Variants in DNAH6 observed in about 807,000 individuals in gnomAD.
DNAH6 encodes dynein axonemal heavy chain 6.
In DNAH6, 340 loss-of-function variants were observed where a neutral mutation model predicts 491.4. The ratio of observed to expected loss-of-function variants is 0.69; its 90% CI spans 0.63 to 0.76. The LOEUF (loss-of-function observed/expected upper bound fraction) is 0.76. Ranked by LOEUF, DNAH6 falls within the 30% of genes least tolerant of loss-of-function variation. DNAH6 has a pLI of 0.00. For synonymous variants in DNAH6, 1,603 were observed against 1,686.1 expected (o/e 0.95, Z 1.21); for missense variants, 4,443 against 4,972.2 (o/e 0.89, Z 3.20).
intron 11 of DNAH6, among the ~76,000 whole-genome samples, chr2:84,567,463 C>A (rs552188377): frequency 1.3e-5 from 2 of 152,198 alleles, no homozygotes; most frequent in South Asian, 4.2e-4. Context: ...GACATGTAGA[C>A]CAATGGCACA....
chr2:84,701,206 T>C lies in DNAH6; in HGVS notation c.7928T>C (p.Leu2643Ser). ...CCCTTGATGTGCGTGAACGTTCACT[T>C]GAGTGTCTCCAGCATGGCAGAGCGC... ...KLPLMCVNVHLSVSSMAERYY... is the reference protein window; with the variant it reads ...KLPLMCVNVHSSVSSMAERYY... The change falls in exon 49 of 77, where the codon TTG becomes TCG. Residue 2643 changes from leucine to serine, a missense_variant. By Grantham distance (145) the Leu-to-Ser change is moderately radical (BLOSUM62 -2). This residue lies in a region of DNAH6 where 2,977 missense variants were observed against 3,296.6 expected (regional missense o/e 0.90). Transcript: ENST00000389394. 1 of 1,551,806 alleles carries C rather than the reference T, an allele frequency of 6.4e-7. No individual in the cohort carries two copies. The highest frequency in any genetic ancestry group is 8.7e-7 in the Non-Finnish European group (1 of 1,147,004).
Position 84,669,403 on chromosome 2 carries a change from G to T in DNAH6, c.6199G>T (p.Glu2067Ter). The change falls in exon 38 of 77, where the codon GAA becomes TAA. Residue 2067 changes from glutamate to a stop codon, truncating the protein, a stop_gained. Coordinates refer to ENST00000389394, the MANE Select transcript of DNAH6 (RefSeq NM_001370.2). LOFTEE classifies it high-confidence loss of function. ...ATACAACCGAGATGTTCCATTTTTT[G>T]AAATGCTTGTCCCCACAACTGACAC... ...FKYNRDVPFF[E>*]MLVPTTDTVR... 6.4e-7 allele frequency: 1 copy of T among 1,551,926 alleles called. No homozygotes were observed. The highest frequency in any genetic ancestry group is 2.4e-5 in the East Asian group (1 of 40,916).
chr2:84,581,119 T>G (rs1181767510), intron 14 of DNAH6, among the ~76,000 whole-genome samples: 1 of 152,220 alleles, frequency 6.6e-6, no homozygotes, highest in Non-Finnish European at 1.5e-5. Context: ...GTAAATTGAT[T>G]CAGAGCTCCT....
At chr2:84,480,541 C>T in the DNAH6 span, among the ~76,000 whole-genome samples, 1 of 152,136 alleles carries the variant, frequency 6.6e-6, no homozygotes, top group Non-Finnish European at 1.5e-5. Context: ...CTATGTCAAG[C>T]ACGTAGAAGA....
chr2:84,813,539 C>T (rs1161337307), intron 74 of DNAH6, among the ~76,000 whole-genome samples: 1 of 152,308 alleles, frequency 6.6e-6, no homozygotes, highest in Admixed American at 6.5e-5. Context: ...GGCTAGAGAG[C>T]CTCAGAGGGG....
chr2:84,792,524 T>C (rs2105268668), intron 68 of DNAH6, among the ~76,000 whole-genome samples: 1 of 152,182 alleles, frequency 6.6e-6, no homozygotes, highest in African/African-American at 2.4e-5. Flanking sequence ...TTATGTGCAG[T>C]TTTTTGGATA....
chr2:84,811,433 A>G (rs566527952), intron 72 of DNAH6, among the ~76,000 whole-genome samples: 1 of 152,258 alleles, frequency 6.6e-6, no homozygotes, highest in East Asian at 1.9e-4. Context: ...ACTCCAGCCC[A>G]GTGTCTCCCA....
intron 45 of DNAH6, 53 bp downstream of exon 45, chr2:84,688,646 A>G (rs1694537585): frequency 2.8e-6 from 4 of 1,415,702 alleles, no homozygotes; most frequent in Non-Finnish European, 3.7e-6. Context: ...TTTTTGTATT[A>G]AAGGGTAAAA....
At chr2:84,780,871 G>A (rs1351758118) in intron 64 of DNAH6, among the ~76,000 whole-genome samples, 1 of 152,112 alleles carries the variant, frequency 6.6e-6, no homozygotes, top group African/African-American at 2.4e-5. Flanking sequence ...TGCTTTCAGA[G>A]AGCCAACACT....
intron 16 of DNAH6, among the ~76,000 whole-genome samples, chr2:84,593,770 C>G (rs529945898): frequency 8.0e-5 from 12 of 150,614 alleles, no homozygotes; most frequent in Non-Finnish European, 5.9e-5. Flanking sequence ...TTTTGTTTCT[C>G]TAATGGAAAG....
chr2:84,674,251 T>A (rs1398387537), intron 40 of DNAH6, among the ~76,000 whole-genome samples: 1 of 152,092 alleles, frequency 6.6e-6, no homozygotes, highest in African/African-American at 2.4e-5. Flanking sequence ...TGGTCCAAGG[T>A]CACACTACTG....
intron 22 of DNAH6, among the ~76,000 whole-genome samples, chr2:84,614,011 T>G (rs1686585268): frequency 8.3e-6 from 1 of 120,510 alleles, no homozygotes. Flanking sequence ...GCCATTCCAT[T>G]TTATTTATTT....
chr2:84,794,160 T>A (rs931169447), intron 68 of DNAH6, among the ~76,000 whole-genome samples: 1 of 152,138 alleles, frequency 6.6e-6, no homozygotes, highest in South Asian at 2.1e-4. Flanking sequence ...TCCTTACACC[T>A]TATACAAAAA....
At chr2:84,625,479 GGT>G (rs1687773463) in intron 29 of DNAH6, among the ~76,000 whole-genome samples, 1 of 152,064 alleles carries the variant, frequency 6.6e-6, no homozygotes, top group Non-Finnish European at 1.5e-5. Flanking sequence ...TCAATACAGT[GGT>G]TCTCAAACTT....
chr2:84,503,522 ATGT>A, the DNAH6 span, among the ~76,000 whole-genome samples: 1 of 152,054 alleles, frequency 6.6e-6, no homozygotes, highest in Non-Finnish European at 1.5e-5. Context: ...TTGCTCACTA[ATGT>A]TGTTTCTTTT....
intron 29 of DNAH6, among the ~76,000 whole-genome samples, chr2:84,630,295 G>C (rs1185871035): frequency 6.6e-6 from 1 of 152,024 alleles, no homozygotes; most frequent in Non-Finnish European, 1.5e-5. Flanking sequence ...TATAATGGAC[G>C]AATCAGACTA....
intron 11 of DNAH6, among the ~76,000 whole-genome samples, chr2:84,566,917 A>G (rs941820868): frequency 6.6e-6 from 1 of 152,084 alleles, no homozygotes; most frequent in Non-Finnish European, 1.5e-5. Context: ...GTACAACTGA[A>G]TAGCTATTTG....
At chr2:84,481,256 T>C in the DNAH6 span, among the ~76,000 whole-genome samples, 5 of 152,166 alleles carry the variant, frequency 3.3e-5, no homozygotes, top group Non-Finnish European at 7.3e-5. Context: ...TGTCCCAGAT[T>C]ATTTCATTTA....
chr2:84,555,196 CT>C (rs1159390590), intron 10 of DNAH6, among the ~76,000 whole-genome samples: 3 of 152,142 alleles, frequency 2.0e-5, no homozygotes, highest in African/African-American at 7.2e-5. Flanking sequence ...AAATTATATA[CT>C]TAAGTCATGA....
Sources: gnomAD v4.1 joint callset for allele counts (sites outside exome capture counted in the v4.1 genomes callset) on GRCh38, gnomAD v4.1.1 for gene constraint, gnomAD v4.1.1 regional missense constraint, MANE v1.5 for transcripts, NCBI Gene and HGNC (gene_info 2026-07-23, HGNC 2026-07-21) for gene names.